Variants in SERPINB4 observed in about 807,000 individuals in gnomAD.
SERPINB4 encodes serpin B4.
Under a neutral mutation model 33.2 loss-of-function variants are expected in SERPINB4, and 39 were observed. The ratio of observed to expected loss-of-function variants is 1.18; its 90% CI spans 0.91 to 1.53. The LOEUF (loss-of-function observed/expected upper bound fraction) is 1.53, where lower values mean the gene tolerates loss of function less well. Ranked by LOEUF, SERPINB4 falls within the 40% of genes most tolerant of loss-of-function variation. The pLI is 0.00. For synonymous variants in SERPINB4, 191 were observed against 166.4 expected (o/e 1.15, Z -1.14); for missense variants, 564 against 455.4 (o/e 1.24, Z -2.17).
chr18:63,640,185 G>C (rs1000251482), intron 5 of SERPINB4, among the ~76,000 whole-genome samples: 6 of 151,910 alleles, frequency 3.9e-5, no homozygotes, highest in Non-Finnish European at 5.9e-5. Flanking sequence ...AGGAGGCCCT[G>C]ATTGCATTTT....
In SERPINB4 at chr18:63,643,090, T is replaced by C. The variant is rs959072217; in HGVS notation, c.222+71A>G. 5.5e-5 allele frequency: 88 copies of C among 1,596,202 alleles called. 1 individual carries two copies. The East Asian group carries it at 1.7e-3, about 31-fold the overall frequency. Reference sequence around the variant, plus strand: ...CTAAAACTGGCCTTTTCTTAGTTTTTGTGAAGTTCCAGGTTTAAACTATGA... The same window carrying C: ...CTAAAACTGGCCTTTTCTTAGTTTTCGTGAAGTTCCAGGTTTAAACTATGA... On this transcript the variant is annotated intron_variant, in intron 3 of 7. Coordinates refer to ENST00000341074, the MANE Select transcript of SERPINB4 (RefSeq NM_002974.4).
intron 5 of SERPINB4, among the ~76,000 whole-genome samples, chr18:63,640,034 G>C (rs1332312399): frequency 6.6e-6 from 1 of 152,056 alleles, no homozygotes; most frequent in Non-Finnish European, 1.5e-5. Flanking sequence ...CACGTTCTCT[G>C]TGTATGAATG....
Position 63,639,317 on chromosome 18 carries a change from C to A in SERPINB4, c.636G>T (p.Met212Ile), listed in dbSNP as rs147870655. The A allele has an allele frequency of 2.5e-5, 40 of 1,611,654 alleles. No homozygotes were observed. Among genetic ancestry groups the A allele is most frequent in the Non-Finnish European group, 3.4e-5 (40 of 1,178,614 alleles). The change falls in exon 7 of 8, where the codon ATG becomes ATT. Residue 212 changes from methionine (M) to isoleucine (I), a missense_variant. Coordinates refer to ENST00000341074, the MANE Select transcript of SERPINB4 (RefSeq NM_002974.4). Reference protein sequence around the residue: ...PNKNTYKSVQMMRQYNSFNFA... With the variant: ...PNKNTYKSVQIMRQYNSFNFA... Reference sequence around the variant, plus strand: ...AATTAAAGGAATTGTATTGCCTCATCATCTGTACAGATTTGTATGTATTCT... The same window carrying A: ...AATTAAAGGAATTGTATTGCCTCATAATCTGTACAGATTTGTATGTATTCT...
chr18:63,643,052 TC>T, intron 3 of SERPINB4, 108 bp downstream of exon 3: 1 of 1,335,440 alleles, frequency 7.5e-7, no homozygotes, highest in Non-Finnish European at 1.1e-6. Context: ...AATCTTTGTG[TC>T]CAAGATTTTC....
At position 63,643,528 on chromosome 18, in the gene SERPINB4, T is replaced by C; in HGVS notation, c.50A>G (p.Gln17Arg). The part of the protein sequence containing the change: ...ANTKFMFDLF[Q>R]QFRKSKENNI... The stretch of plus-strand genomic sequence containing the variant: ...GTTCTCTTTTGATTTTCTGAACTGT[T>C]GGAACAGATCGAACATGAACTTGGT... The change falls in exon 2 of 8, where the codon CAA becomes CGA. Residue 17 changes from glutamine (Q) to arginine (R), a missense_variant. Transcript: ENST00000341074. 1 of 1,613,710 alleles carries C rather than the reference T, an allele frequency of 6.2e-7. No individual in the cohort carries two copies. Among genetic ancestry groups the C allele is most frequent in the Non-Finnish European group, 8.5e-7 (1 of 1,179,700 alleles).
At chr18:63,643,722 T>C (rs1423353535) in intron 1 of SERPINB4, 119 bp from the exon 2 acceptor site, 3 of 1,140,844 alleles carry the variant, frequency 2.6e-6, no homozygotes, top group Non-Finnish European at 3.7e-6. Context: ...TTAAAGTTTT[T>C]CTCTTATTTT....
At chr18:63,638,359 C>G (rs758963956) in intron 7 of SERPINB4, among the ~76,000 whole-genome samples, 23 of 151,430 alleles carry the variant, frequency 1.5e-4, no homozygotes, top group Non-Finnish European at 2.7e-4. Flanking sequence ...CATGTTTTTA[C>G]GTATATGTAT....
chr18:63,643,725 C>T (rs1913220416), intron 1 of SERPINB4, 122 bp from the exon 2 acceptor site: 2 of 1,116,390 alleles, frequency 1.8e-6, no homozygotes, highest in Non-Finnish European at 2.6e-6. Context: ...AAGTTTTTCT[C>T]TTATTTTTAA....
At position 63,640,879 on chromosome 18, in the gene SERPINB4, G is replaced by C; in HGVS notation, c.464C>G (p.Thr155Arg). 1 of 1,611,856 alleles carries C rather than the reference G, an allele frequency of 6.2e-7. No individual in the cohort carries two copies. Among genetic ancestry groups the C allele is most frequent in the East Asian group, 2.2e-5 (1 of 44,832 alleles). The change falls in exon 5 of 8, where the codon ACG becomes AGG. Residue 155 changes from threonine to arginine, a missense_variant. Thr to Arg is a moderately conservative substitution (Grantham distance 71). Transcript: ENST00000341074. Reference sequence around the variant, plus strand: ...ATAATGGGTGGCTCTCCTACCATTCGTTTGACTTTCCACCCAGGAGTTAAT... The same window carrying C: ...ATAATGGGTGGCTCTCCTACCATTCCTTTGACTTTCCACCCAGGAGTTAAT... ...KKINSWVESQ[T>R]NEKIKNLFPD...
intron 5 of SERPINB4, among the ~76,000 whole-genome samples, chr18:63,640,673 T>C (rs1913096392): frequency 6.6e-6 from 1 of 152,068 alleles, no homozygotes; most frequent in Admixed American, 6.6e-5. Flanking sequence ...TTCCATCTAA[T>C]TGGCTTCCTG....
rs2144465346 is a variant in SERPINB4 at position 63,639,224 on chromosome 18, C to G, written c.729G>C (p.Met243Ile). ...EIPYKGKDLSMIVLLPNEIDG... is the reference protein window; with the variant it reads ...EIPYKGKDLSIIVLLPNEIDG... ...CGATTTCATTTGGCAGCAGCACAAT[C>G]ATGCTTAGATCTTTGCCTTTGTATG... The change falls in exon 7 of 8, where the codon ATG becomes ATC. Residue 243 changes from methionine (M) to isoleucine (I), a missense_variant. Transcript: ENST00000341074. The G allele has an allele frequency of 6.2e-7, 1 of 1,611,894 alleles. No homozygotes were observed.
chr18:63,641,119 T>A, intron 4 of SERPINB4, 128 bp from the exon 5 acceptor site: 2 of 731,702 alleles, frequency 2.7e-6, no homozygotes, highest in South Asian at 3.6e-5. Context: ...CTCCTGTCCA[T>A]GGATATTTTT....
intron 3 of SERPINB4, among the ~76,000 whole-genome samples, chr18:63,642,123 C>A (rs1913155116): frequency 6.6e-6 from 1 of 152,058 alleles, no homozygotes; most frequent in Non-Finnish European, 1.5e-5. Flanking sequence ...CTCTTCTGAA[C>A]TAAAGATGCA....
chr18:63,637,768 T>G lies in SERPINB4; in HGVS notation c.1124A>C (p.Gln375Pro). Residue 375 changes from glutamine to proline, a missense_variant, in exon 8 of 8, where the codon CAA (glutamine) becomes CCA (proline). Gln to Pro is a moderately conservative substitution (Grantham distance 76). Coordinates refer to ENST00000341074, the MANE Select transcript of SERPINB4 (RefSeq NM_002974.4). ...GAAGAGGATGCTGTTGGTCTTATTTTGCCTTATGAAGAATAGGAAAGGGTG... is the reference window on the plus strand; with the variant it reads ...GAAGAGGATGCTGTTGGTCTTATTTGGCCTTATGAAGAATAGGAAAGGGTG... ...CNHPFLFFIRQNKTNSILFYG... is the reference protein window; with the variant it reads ...CNHPFLFFIRPNKTNSILFYG... 2 of 1,613,252 alleles carry G rather than the reference T, an allele frequency of 1.2e-6. No individual in the cohort carries two copies. Among genetic ancestry groups the G allele is most frequent in the Non-Finnish European group, 8.5e-7 (1 of 1,179,540 alleles).
intron 3 of SERPINB4, 24 bp from the exon 4 acceptor site, chr18:63,641,912 C>T (rs772603373): frequency 3.1e-6 from 5 of 1,611,164 alleles, no homozygotes; most frequent in Non-Finnish European, 4.2e-6. Context: ...AAAGGGAGAT[C>T]ATTCAATTGC....
chr18:63,639,067 T>C (rs1913034963), intron 7 of SERPINB4, 118 bp downstream of exon 7: 2 of 1,215,026 alleles, frequency 1.6e-6, no homozygotes, highest in Admixed American at 2.5e-5. Context: ...TCATTCCTCA[T>C]TTAGAATTTT....
intron 3 of SERPINB4, among the ~76,000 whole-genome samples, chr18:63,642,459 A>G (rs902680683): frequency 2.0e-5 from 3 of 152,078 alleles, no homozygotes; most frequent in Admixed American, 6.6e-5. Context: ...TTCAATTCAG[A>G]TGAACACAAG....
chr18:63,641,286 T>C (rs1311946459), intron 4 of SERPINB4, among the ~76,000 whole-genome samples: 1 of 152,130 alleles, frequency 6.6e-6, no homozygotes, highest in Non-Finnish European at 1.5e-5. Flanking sequence ...TCATTGCTTC[T>C]CAGACTTCTC....
intron 6 of SERPINB4, 131 bp downstream of exon 6, chr18:63,639,503 T>G (rs2144466372): frequency 9.8e-7 from 1 of 1,016,256 alleles, no homozygotes; most frequent in Non-Finnish European, 1.4e-6. Flanking sequence ...AATAAAGTTA[T>G]AAGAGTAAAA....
Sources: allele counts gnomAD v4.1 joint callset (sites outside exome capture counted in the v4.1 genomes callset), GRCh38; gene constraint gnomAD v4.1.1; transcripts MANE v1.5; gene names NCBI Gene and HGNC (gene_info 2026-07-23, HGNC 2026-07-21).